The following MTMR8 variants were observed in gnomAD, a reference collection of about 807,000 sequenced individuals.
MTMR8 encodes myotubularin related protein 8, also known as phosphatidylinositol-3,5-bisphosphate 3-phosphatase MTMR8.
Under a neutral mutation model 39.3 loss-of-function variants are expected in MTMR8, and 65 were observed. The observed-to-expected ratio is 1.65, with a 90% CI of 1.35 to 2.03. The LOEUF (loss-of-function observed/expected upper bound fraction) is 2.03. MTMR8 is among the 30% of genes most tolerant of loss of function. The pLI, the probability that MTMR8 is intolerant of heterozygous loss-of-function variation, is 0.00. For missense variants in MTMR8, 777 were observed against 538.9 expected (o/e 1.44, Z -4.37); for synonymous variants, 245 against 185.2 (o/e 1.32, Z -2.62).
chrX:64,339,896 G>C (rs376862118), intron 8 of MTMR8, among the ~76,000 whole-genome samples: 2 of 111,487 alleles, frequency 1.8e-5, no homozygotes, highest in African/African-American at 3.3e-5. Context: ...AGTTACCATG[G>C]TGTAGCCAGT....
Position 64,395,426 on chromosome X carries a change from G to A in MTMR8, c.-63C>T. The A allele has an allele frequency of 1.8e-6, 2 of 1,128,422 alleles. No homozygotes were observed. Among genetic ancestry groups the A allele is most frequent in the East Asian group, 3.0e-5 (1 of 33,358 alleles). 93.0% of individuals were successfully genotyped at this position (1,128,422 alleles called of 1,213,427 possible). A position where few individuals can be genotyped will look rare whatever the true frequency, so the allele number is the denominator to read the frequency against. On this transcript the variant is annotated 5_prime_UTR_variant, in exon 1 of 14. Transcript: ENST00000374852. ...TCCAGATGCCGCCGCCACCGGTCTA[G>A]CCGCCTCCTGCCTCAACCCGGGTTT...
chrX:64,288,168 C>T (rs192457037), intron 12 of MTMR8, among the ~76,000 whole-genome samples: 6 of 108,158 alleles, frequency 5.5e-5, no homozygotes, highest in South Asian at 8.1e-4. Context: ...CAAGAAAAAA[C>T]GAACAACCCC....
chrX:64,292,553 G>T lies in MTMR8; in HGVS notation c.1482-21480C>A, dbSNP rs760387656. 2.7e-5 allele frequency among the ~76,000 whole-genome samples: 3 copies of T among 110,904 alleles called. No homozygotes were observed. The East Asian group carries it at 8.7e-4, about 32-fold the overall frequency. ...GTGACCTCTAAAGAAGAAAGCAGCA[G>T]CATGGTGTCATCATGCTAGGGACTA... On this transcript the variant is annotated intron_variant, in intron 12 of 13. Transcript: ENST00000374852.
intron 12 of MTMR8, among the ~76,000 whole-genome samples, chrX:64,321,266 A>G (rs773107016): frequency 8.9e-6 from 1 of 112,297 alleles, no homozygotes; most frequent in Admixed American, 9.4e-5. Context: ...TAGTCAACAA[A>G]TTTAAATCAA....
intron 12 of MTMR8, among the ~76,000 whole-genome samples, chrX:64,273,067 A>T (rs991740999): frequency 6.3e-5 from 7 of 111,756 alleles, no homozygotes; most frequent in African/African-American, 2.3e-4. Flanking sequence ...TGAAAGGGAA[A>T]TGAAAATGAA....
At chrX:64,327,383 C>A (rs1922824730) in intron 12 of MTMR8, among the ~76,000 whole-genome samples, 1 of 111,770 alleles carries the variant, frequency 8.9e-6, no homozygotes, top group African/African-American at 3.2e-5. Flanking sequence ...TGAATAGATA[C>A]TTTTCAAAAG....
intron 12 of MTMR8, among the ~76,000 whole-genome samples, chrX:64,280,872 G>A (rs1267817447): frequency 1.8e-5 from 2 of 111,286 alleles, no homozygotes; most frequent in Non-Finnish European, 3.8e-5. Flanking sequence ...AAATCAATGT[G>A]CAAAAATCTC....
intron 4 of MTMR8, among the ~76,000 whole-genome samples, chrX:64,352,672 C>T (rs1923514547): frequency 9.0e-6 from 1 of 111,728 alleles, no homozygotes; most frequent in South Asian, 3.8e-4. Flanking sequence ...AGCTGGGATG[C>T]ATATTAAATT....
chrX:64,367,108 A>G, intron 1 of MTMR8, among the ~76,000 whole-genome samples: 1 of 111,919 alleles, frequency 8.9e-6, no homozygotes, highest in Non-Finnish European at 1.9e-5. Context: ...AAATTGAGGC[A>G]ATAATTAATA....
At chrX:64,303,034 G>T (rs1217311439) in intron 12 of MTMR8, among the ~76,000 whole-genome samples, 1 of 112,633 alleles carries the variant, frequency 8.9e-6, no homozygotes, top group Non-Finnish European at 1.9e-5. Flanking sequence ...ATCACTTAAA[G>T]TTTGCTGTGC....
intron 1 of MTMR8, among the ~76,000 whole-genome samples, chrX:64,377,478 A>C (rs1006389306): frequency 8.9e-6 from 1 of 112,367 alleles, no homozygotes; most frequent in Non-Finnish European, 1.9e-5. Flanking sequence ...GTCAAAGGAG[A>C]TTATTTTGGA....
Position 64,296,573 on chromosome X carries a change from G to GT in MTMR8, c.1482-25501dup, listed in dbSNP as rs59765267. Reference sequence around the variant, plus strand: ...GCCTCTGTATATGGACCCTATGCTGGTTTTTTTTTTTTTTTTTTAATTATA... The same window carrying GT: ...GCCTCTGTATATGGACCCTATGCTGGTTTTTTTTTTTTTTTTTTTAATTATA... On this transcript the variant is annotated intron_variant, in intron 12 of 13. Coordinates refer to ENST00000374852, the MANE Select transcript of MTMR8 (RefSeq NM_017677.4). Among the ~76,000 whole-genome samples the GT allele has an allele frequency of 9.8e-3, 892 of 90,912 alleles. 7 individuals are homozygous for GT. The highest frequency in any genetic ancestry group is 0.048 in the East Asian group (141 of 2,914). 78.9% of individuals were successfully genotyped at this position (90,912 alleles called of 115,157 possible). A position where few individuals can be genotyped will look rare whatever the true frequency, so the allele number is the denominator to read the frequency against.
At chrX:64,297,290 G>A (rs1419332169) in intron 12 of MTMR8, among the ~76,000 whole-genome samples, 1 of 109,051 alleles carries the variant, frequency 9.2e-6, no homozygotes, top group Admixed American at 9.9e-5. Flanking sequence ...GTGTGAGATA[G>A]TATCTCATAG....
intron 7 of MTMR8, 69 bp from the exon 8 acceptor site, chrX:64,343,789 T>A: frequency 1.4e-6 from 1 of 728,072 alleles, no homozygotes; most frequent in Non-Finnish European, 2.1e-6. Context: ...GGGGAGAAAG[T>A]GGATCTCCAT....
intron 12 of MTMR8, among the ~76,000 whole-genome samples, chrX:64,289,850 T>C (rs185352002): frequency 6.3e-4 from 70 of 110,657 alleles, no homozygotes; most frequent in Non-Finnish European, 4.0e-4. Flanking sequence ...TGCTACAATA[T>C]GGATGACTTT....
chrX:64,337,208 T>C, intron 9 of MTMR8, 60 bp downstream of exon 9: 1 of 1,138,501 alleles, frequency 8.8e-7, no homozygotes. Context: ...GACAGTTATT[T>C]TTTATTTTGT....
At chrX:64,269,109 C>A in intron 13 of MTMR8, 66 bp from the exon 14 acceptor site, 1 of 1,087,620 alleles carries the variant, frequency 9.2e-7, no homozygotes, top group East Asian at 3.0e-5. Flanking sequence ...CAAACATTAC[C>A]TTGATCTGCA....
intron 12 of MTMR8, chrX:64,306,129 G>A: frequency 4.3e-6 from 1 of 230,780 alleles, no homozygotes; most frequent in East Asian, 1.1e-4. Context: ...ATGTTTTGAA[G>A]TAAAATAAAG....
chrX:64,326,860 C>A (rs1432702576), intron 12 of MTMR8, among the ~76,000 whole-genome samples: 1 of 109,565 alleles, frequency 9.1e-6, no homozygotes, highest in Non-Finnish European at 1.9e-5. Flanking sequence ...AATAGACACA[C>A]AGACCAATGG....
Sources: allele counts gnomAD v4.1 joint callset (sites outside exome capture counted in the v4.1 genomes callset), GRCh38; gene constraint gnomAD v4.1.1; transcripts MANE v1.5; gene names NCBI Gene and HGNC (gene_info 2026-07-23, HGNC 2026-07-21).